The following RNF150 variants were observed in gnomAD, a reference collection of about 807,000 sequenced individuals.
The protein encoded by RNF150 is ring finger protein 150.
A neutral mutation model predicts 39.3 loss-of-function variants in RNF150; 24 were observed. The ratio of observed to expected loss-of-function variants is 0.61; its 90% CI spans 0.44 to 0.86. The LOEUF (loss-of-function observed/expected upper bound fraction) is 0.86, where lower values mean the gene tolerates loss of function less well. RNF150 is among the 40% of genes least tolerant of loss of function. The pLI is 0.00. For missense variants in RNF150, 502 were observed against 587.8 expected (o/e 0.85, Z 1.51); for synonymous variants, 255 against 227.3 (o/e 1.12, Z -1.10).
intron 1 of RNF150, among the ~76,000 whole-genome samples, chr4:141,056,666 C>T (rs889599365): frequency 7.2e-5 from 11 of 152,044 alleles, no homozygotes; most frequent in African/African-American, 1.2e-4. Context: ...TCCTCCCCTA[C>T]ACCTAATCCT....
rs1399601582 is a variant in RNF150 at position 141,132,531 on chromosome 4, G to T, written c.278C>A (p.Ala93Asp). 1.3e-6 allele frequency: 2 copies of T among 1,599,508 alleles called. No homozygotes were observed. The highest frequency in any genetic ancestry group is 2.3e-5 in the East Asian group (1 of 44,140). ...KQDARGEVVM[A>D]SSAHDRLACD... The stretch of plus-strand genomic sequence containing the variant: ...GGCCAGGCGGTCGTGGGCCGAGCTG[G>T]CCATGACCACCTCCCCGCGGGCGTC... The change falls in exon 1 of 7, where the codon GCC becomes GAC. Residue 93 changes from alanine (A) to aspartate (D), a missense_variant. Ala to Asp is a moderately radical substitution (Grantham distance 126). Transcript: ENST00000515673. The surrounding 1 kb of genome is among the most constrained non-coding windows in gnomAD (Gnocchi z 4.9).
rs1041582515 is a variant in RNF150 at position 141,133,353 on chromosome 4, C to T, written c.-545G>A. On this transcript the variant is annotated 5_prime_UTR_variant, in exon 1 of 7. Coordinates refer to ENST00000515673, the MANE Select transcript of RNF150 (RefSeq NM_020724.2). ...TCCCTCAGGCTGCGGGCGCTGCGCT[C>T]CTGATCTCGCCGGTGGCTGCGCCTG... 6.1e-6 allele frequency: 1 copy of T among 164,324 alleles called. No individual in the cohort carries two copies. Among genetic ancestry groups the T allele is most frequent in the Non-Finnish European group, 1.3e-5 (1 of 77,304 alleles). 10.2% of individuals were successfully genotyped at this position (164,324 alleles called of 1,614,324 possible).
chr4:140,918,817 C>A (rs543492903), intron 5 of RNF150, among the ~76,000 whole-genome samples: 1 of 152,142 alleles, frequency 6.6e-6, no homozygotes, highest in African/African-American at 2.4e-5. Context: ...TCCAGCAGCA[C>A]ATCAAAAAGC....
At chr4:140,929,022 T>A in intron 4 of RNF150, among the ~76,000 whole-genome samples, 1 of 152,212 alleles carries the variant, frequency 6.6e-6, no homozygotes, top group East Asian at 1.9e-4. Flanking sequence ...AGTTGATGCT[T>A]AAGTTCCTAA....
At chr4:140,999,288 A>T (rs548533030) in intron 1 of RNF150, among the ~76,000 whole-genome samples, 20 of 152,228 alleles carry the variant, frequency 1.3e-4, no homozygotes, top group Non-Finnish European at 2.8e-4. Flanking sequence ...AGAAGGAATC[A>T]ACTCTGCTGA....
chr4:140,899,113 T>C (rs1730077802), intron 6 of RNF150, among the ~76,000 whole-genome samples: 2 of 152,170 alleles, frequency 1.3e-5, no homozygotes, highest in African/African-American at 2.4e-5. Context: ...TGAGATCTAA[T>C]AGGAACATTC....
At position 141,133,168 on chromosome 4, in the gene RNF150, A is replaced by C. The variant is rs565870444; in HGVS notation, c.-360T>G. The C allele has an allele frequency of 1.5e-4, 39 of 254,158 alleles. No homozygotes were observed. In the South Asian group the frequency reaches 1.6e-3, roughly 11 times the overall value. 15.7% of individuals were successfully genotyped at this position (254,158 alleles called of 1,614,324 possible). On this transcript the variant is annotated 5_prime_UTR_variant, in exon 1 of 7. Transcript: ENST00000515673. ...GGTGGCCGGGGGCCCACGAACTTGC[A>C]GGGTGGCGGCCCTGCGCCCTCCAGC... is the stretch of plus-strand genomic sequence containing the variant.
At chr4:140,942,707 G>T (rs2111360943) in intron 4 of RNF150, among the ~76,000 whole-genome samples, 1 of 152,346 alleles carries the variant, frequency 6.6e-6, no homozygotes, top group Admixed American at 6.5e-5. Flanking sequence ...AAACGCTCCA[G>T]TGAGCATTTC....
chr4:140,926,134 T>C, intron 4 of RNF150, 61 bp from the exon 5 acceptor site: 1 of 1,189,366 alleles, frequency 8.4e-7, no homozygotes, highest in Non-Finnish European at 1.3e-6. Context: ...TGGTCCACCA[T>C]GGCCCAGGGA....
At chr4:140,921,837 C>A (rs4388161) in intron 5 of RNF150, among the ~76,000 whole-genome samples, 83,713 of 151,838 alleles carry the variant, frequency 0.55, 23,571 homozygotes, top group East Asian at 0.89. Flanking sequence ...TAAACGTAAT[C>A]CAGCATATAA....
chr4:140,874,781 T>C (rs1180212382), intron 6 of RNF150, among the ~76,000 whole-genome samples: 1 of 152,182 alleles, frequency 6.6e-6, no homozygotes, highest in Non-Finnish European at 1.5e-5. Flanking sequence ...CTGTGCAGCC[T>C]CTATCTTGAG....
intron 1 of RNF150, among the ~76,000 whole-genome samples, chr4:141,121,833 A>G (rs4956515): frequency 0.72 from 108,951 of 152,026 alleles, 40,034 homozygotes; most frequent in East Asian, 0.88. Context: ...TTCCTTAAAT[A>G]ATTAATAAAG....
Position 141,114,966 on chromosome 4 carries a change from T to C in RNF150, c.484+17359A>G, listed in dbSNP as rs188408448. On this transcript the variant is annotated intron_variant, in intron 1 of 6. Coordinates refer to ENST00000515673, the MANE Select transcript of RNF150 (RefSeq NM_020724.2). ...ACCTCTTCATGATAAAAACACTCAA[T>C]AAACTAGATATTGATGGAACATATC... is the stretch of plus-strand genomic sequence containing the variant. Among the ~76,000 whole-genome samples the C allele has an allele frequency of 4.3e-3, 653 of 152,226 alleles. 4 individuals carry two copies. The highest frequency in any genetic ancestry group is 0.011 in the South Asian group (52 of 4,818).
chr4:141,095,234 C>T (rs1345431487), intron 1 of RNF150, among the ~76,000 whole-genome samples: 1 of 152,100 alleles, frequency 6.6e-6, no homozygotes, highest in Non-Finnish European at 1.5e-5. Flanking sequence ...TCTGGAATAG[C>T]TGGGGGCCTC....
intron 1 of RNF150, among the ~76,000 whole-genome samples, chr4:141,092,151 C>T (rs1355716916): frequency 1.3e-5 from 2 of 152,032 alleles, no homozygotes; most frequent in Admixed American, 6.5e-5. Context: ...AGAGACCAGC[C>T]TGGCCAACAT....
chr4:141,012,520 G>A (rs1167105543), intron 1 of RNF150, among the ~76,000 whole-genome samples: 1 of 151,988 alleles, frequency 6.6e-6, no homozygotes, highest in African/African-American at 2.4e-5. Flanking sequence ...ATTATAGACC[G>A]GACGTGTTGG....
intron 1 of RNF150, among the ~76,000 whole-genome samples, chr4:141,190,151 C>T (rs1481693511): frequency 6.6e-6 from 1 of 152,156 alleles, no homozygotes; most frequent in Non-Finnish European, 1.5e-5. Flanking sequence ...CCTCCAGGGG[C>T]TGTACCCACT....
intron 1 of RNF150, among the ~76,000 whole-genome samples, chr4:141,049,076 C>T (rs1321903460): frequency 6.6e-6 from 1 of 151,964 alleles, no homozygotes; most frequent in African/African-American, 2.4e-5. Flanking sequence ...ATCAGGTGTG[C>T]CTCAACTAAG....
chr4:141,034,462 T>C (rs1736068374), intron 1 of RNF150, among the ~76,000 whole-genome samples: 2 of 152,180 alleles, frequency 1.3e-5, no homozygotes, highest in African/African-American at 4.8e-5. Context: ...CATTCATTTG[T>C]TCACTCAAGT....
Sources: allele counts gnomAD v4.1 joint callset (sites outside exome capture counted in the v4.1 genomes callset), GRCh38; gene constraint gnomAD v4.1.1; non-coding constraint Gnocchi (gnomAD v3.1); transcripts MANE v1.5; gene names NCBI Gene and HGNC (gene_info 2026-07-23, HGNC 2026-07-21).